Variants in RESF1 observed in about 807,000 individuals in gnomAD.
RESF1 encodes retroelement silencing factor 1, also known as gonad expressed transcript.
In RESF1, 65 loss-of-function variants were observed where a neutral mutation model predicts 134.7. The observed-to-expected ratio is 0.48, with a 90% confidence interval of 0.40 to 0.59. The LOEUF (loss-of-function observed/expected upper bound fraction) is 0.59. RESF1 is among the 20% of genes least tolerant of loss of function. The probability of loss-of-function intolerance (pLI) is 0.00; values close to 1 mark genes in which losing one functional copy is unlikely to be tolerated. For synonymous variants in RESF1, 762 were observed against 702.2 expected (o/e 1.09, Z -1.35); for missense variants, 2,274 against 2,002.7 (o/e 1.14, Z -2.59).
chr12:31,981,516 C>T lies in RESF1; in HGVS notation c.561C>T (p.Asn187=), dbSNP rs781675692. 1.9e-6 allele frequency: 3 copies of T among 1,613,984 alleles called. No individual in the cohort carries two copies. The highest frequency in any genetic ancestry group is 1.7e-6 in the Non-Finnish European group (2 of 1,179,900). The change falls in exon 4 of 6, where the codon AAC becomes AAT. Residue 187 remains asparagine, a synonymous_variant. Transcript: ENST00000312561. ...CTTACCAAGGAAATCAGGGACTTAACCAGTCTTTTTCAGAGCAACAGGTTG... is the reference window on the plus strand; with the variant it reads ...CTTACCAAGGAAATCAGGGACTTAATCAGTCTTTTTCAGAGCAACAGGTTG... ...PVAYQGNQGL[N]QSFSEQQVDW...
chr12:31,977,250 G>A (rs1039796715), intron 3 of RESF1, among the ~76,000 whole-genome samples: 3 of 152,000 alleles, frequency 2.0e-5, no homozygotes, highest in Admixed American at 6.6e-5. Flanking sequence ...GTGCGACCTC[G>A]GCTCACTGCA....
intron 2 of RESF1, among the ~76,000 whole-genome samples, chr12:31,966,530 C>T (rs1179830644): frequency 1.3e-5 from 2 of 152,236 alleles, no homozygotes; most frequent in Non-Finnish European, 2.9e-5. Flanking sequence ...TCTGAACTTC[C>T]TGCTGGCCAG....
intron 2 of RESF1, among the ~76,000 whole-genome samples, chr12:31,963,458 C>T (rs1347238168): frequency 3.3e-5 from 5 of 152,106 alleles, no homozygotes; most frequent in African/African-American, 1.2e-4. Flanking sequence ...CTCTGCTGTC[C>T]TCTGCTTTGG....
rs1305624635 is a variant in RESF1 at position 31,982,161 on chromosome 12, G to C, written c.1206G>C (p.Glu402Asp). 6.2e-7 allele frequency: 1 copy of C among 1,612,636 alleles called. No homozygotes were observed. Among genetic ancestry groups the C allele is most frequent in the South Asian group, 1.1e-5 (1 of 90,606 alleles). Reference sequence around the variant, plus strand: ...TAAGGGATATTAAAACATTAGTAGAGATAAAACAGAAGTTTTCAGAACTTG... The same window carrying C: ...TAAGGGATATTAAAACATTAGTAGACATAAAACAGAAGTTTTCAGAACTTG... ...KLVRDIKTLVEIKQKFSELAR... is the reference protein window; with the variant it reads ...KLVRDIKTLVDIKQKFSELAR... The change falls in exon 4 of 6, where the codon GAG becomes GAC. Residue 402 changes from glutamate (E) to aspartate (D), a missense_variant. By Grantham distance (45) the Glu-to-Asp change is conservative (BLOSUM62 2). Transcript: ENST00000312561.
At position 31,982,419 on chromosome 12, in the gene RESF1, C is replaced by T; in HGVS notation, c.1464C>T (p.Asp488=). 1 of 1,614,028 alleles carries T rather than the reference C, an allele frequency of 6.2e-7. No homozygotes were observed. The highest frequency in any genetic ancestry group is 1.3e-5 in the African/African-American group (1 of 75,060). ...AGACTCAATGTATGTTGAATTCTGA[C>T]ATTCAGGAAGTCAATTGCAGAAGGT... is the stretch of plus-strand genomic sequence containing the variant. ...TNKTQCMLNS[D]IQEVNCRRFN... Residue 488 remains aspartate, a synonymous_variant, in exon 4 of 6, where the codon GAC becomes GAT. Coordinates refer to ENST00000312561, the MANE Select transcript of RESF1 (RefSeq NM_018169.4).
chr12:31,973,203 T>C (rs1354027683), intron 3 of RESF1, among the ~76,000 whole-genome samples: 1 of 152,172 alleles, frequency 6.6e-6, no homozygotes, highest in Non-Finnish European at 1.5e-5. Flanking sequence ...TCTTGAAAGT[T>C]CTAAGAATAC....
chr12:31,970,778 A>G (rs761471022), intron 3 of RESF1, among the ~76,000 whole-genome samples: 1 of 152,232 alleles, frequency 6.6e-6, no homozygotes, highest in Non-Finnish European at 1.5e-5. Context: ...ATTTTAGCCT[A>G]TATGTTGCAA....
Position 31,992,690 on chromosome 12 carries a change from G to A in RESF1, c.*155G>A. The A allele has an allele frequency of 1.3e-6, 1 of 766,550 alleles. No homozygotes were observed. The highest frequency in any genetic ancestry group is 2.2e-6 in the Non-Finnish European group (1 of 462,664). The allele number at this position is 766,550 out of a possible 1,614,324, so 47.5% of individuals were successfully genotyped here. ...TTCATTGAAAGTGCTTAATTAAAAT[G>A]GCTTGAGAACTTTGGGTAGCCATGT... On this transcript the variant is annotated 3_prime_UTR_variant, in exon 6 of 6. Transcript: ENST00000312561.
In RESF1 at chr12:31,984,501, C is replaced by T. The variant is rs201298661; in HGVS notation, c.3546C>T (p.Tyr1182=). The T allele has an allele frequency of 5.1e-5, 82 of 1,608,450 alleles. No homozygotes were observed. The Middle Eastern group carries it at 1.8e-3, about 36-fold the overall frequency. Residue 1182 remains tyrosine, a synonymous_variant, in exon 4 of 6, where the codon TAC becomes TAT. Transcript: ENST00000312561. ...CATTGGGCTGGCTCTCCATGGTTTA[C>T]GAAGGAGTACCCCAGTGTCAGTGTA... ...CCALGWLSMV[Y]EGVPQCQCNS... is the part of the protein sequence containing the mutation.
In RESF1 at chr12:31,985,541, CAT is replaced by C. The variant is rs771261828; in HGVS notation, c.4588_4589del (p.Tyr1530GlnfsTer7). On this transcript the variant is annotated frameshift_variant, in exon 4 of 6. Transcript: ENST00000312561. LOFTEE classifies it high-confidence loss of function. ...ATCCACCATTCTCAGGAGTCTAAAA[CAT>C]ACAACATTCTAAGGAATGTTAAAGA... The C allele has an allele frequency of 2.5e-6, 4 of 1,598,168 alleles. No homozygotes were observed. The highest frequency in any genetic ancestry group is 1.4e-5 in the African/African-American group (1 of 73,750).
chr12:31,966,366 G>A (rs961894327), intron 2 of RESF1, among the ~76,000 whole-genome samples: 6 of 152,154 alleles, frequency 3.9e-5, no homozygotes, highest in East Asian at 1.9e-4. Context: ...ACTGGCTTCC[G>A]CTTCATGTGT....
chr12:31,988,960 C>T lies in RESF1; in HGVS notation c.5086+1638C>T, dbSNP rs537877335. Among the ~76,000 whole-genome samples the T allele has an allele frequency of 1.6e-3, 244 of 151,698 alleles. 3 individuals carry two copies. Among genetic ancestry groups the T allele is most frequent in the Non-Finnish European group, 1.5e-3 (101 of 67,914 alleles). On this transcript the variant is annotated intron_variant, in intron 5 of 5. Coordinates refer to ENST00000312561, the MANE Select transcript of RESF1 (RefSeq NM_018169.4). Reference sequence around the variant, plus strand: ...CCACCTGCCTCGGCCTCCCAAAATGCTGGGATTACAAGCATGAGCCACCGT... The same window carrying T: ...CCACCTGCCTCGGCCTCCCAAAATGTTGGGATTACAAGCATGAGCCACCGT...
chr12:31,983,970 C>T lies in RESF1; in HGVS notation c.3015C>T (p.Ser1005=). The T allele has an allele frequency of 1.2e-6, 2 of 1,613,512 alleles. No individual in the cohort carries two copies. The highest frequency in any genetic ancestry group is 1.7e-6 in the Non-Finnish European group (2 of 1,179,856). The change falls in exon 4 of 6, where the codon AGC becomes AGT. Residue 1005 remains serine (S), a synonymous_variant. Coordinates refer to ENST00000312561, the MANE Select transcript of RESF1 (RefSeq NM_018169.4). Reference sequence around the variant, plus strand: ...GTTTGGAGCATGCCACTGAAAAAAGCACAGCTAACGATACGTGCTCGTCAG... The same window carrying T: ...GTTTGGAGCATGCCACTGAAAAAAGTACAGCTAACGATACGTGCTCGTCAG... ...KSSLEHATEK[S]TANDTCSSAA...
intron 2 of RESF1, among the ~76,000 whole-genome samples, chr12:31,967,660 G>A (rs1279487190): frequency 1.3e-5 from 2 of 151,058 alleles, no homozygotes; most frequent in African/African-American, 4.9e-5. Flanking sequence ...CCGCAGGGGG[G>A]ATTTTTGTTT....
chr12:31,965,265 C>G (rs1939373169), intron 2 of RESF1, among the ~76,000 whole-genome samples: 1 of 152,126 alleles, frequency 6.6e-6, no homozygotes. Context: ...CCGGCTACTC[C>G]CTTTTCAACC....
Position 31,982,857 on chromosome 12 carries a change from T to TC in RESF1, c.1904dup (p.Ser636LysfsTer4), listed in dbSNP as rs773550997. The stretch of plus-strand genomic sequence containing the variant: ...AACTGAATTTGAAGAACATGGAAAC[T>TC]CCAAGTACTTCTAATGTAAGTGGCA... On this transcript the variant is annotated frameshift_variant, in exon 4 of 6. Transcript: ENST00000312561. LOFTEE classifies it high-confidence loss of function. The TC allele has an allele frequency of 5.6e-6, 9 of 1,613,956 alleles. No homozygotes were observed. Among genetic ancestry groups the TC allele is most frequent in the Non-Finnish European group, 6.8e-6 (8 of 1,180,008 alleles).
rs1939941800 is a variant in RESF1, at chr12:31,985,341, A to C, written c.4386A>C (p.Lys1462Asn). The C allele has an allele frequency of 6.2e-7, 1 of 1,611,132 alleles. No homozygotes were observed. The change falls in exon 4 of 6, where the codon AAA becomes AAC. Residue 1462 changes from lysine (K) to asparagine (N), a missense_variant. Coordinates refer to ENST00000312561, the MANE Select transcript of RESF1 (RefSeq NM_018169.4). ...AGCATAAAGAAGCTCTGAGTAATAA[A>C]GCATCGAAGAAAATCTGTGTGAAAA... ...RQKHKEALSN[K>N]ASKKICVKNV...
chr12:31,976,461 G>A (rs546883879), intron 3 of RESF1, among the ~76,000 whole-genome samples: 16 of 152,070 alleles, frequency 1.1e-4, no homozygotes, highest in South Asian at 8.3e-4. Flanking sequence ...TGGGTGCGGC[G>A]GATCACAAGG....
intron 3 of RESF1, among the ~76,000 whole-genome samples, chr12:31,971,465 A>G (rs1003172540): frequency 4.6e-5 from 7 of 151,606 alleles, no homozygotes; most frequent in African/African-American, 1.7e-4. Context: ...TCTTGTAGCT[A>G]TTTGTGTGAT....
Sources: allele counts gnomAD v4.1 joint callset (sites outside exome capture counted in the v4.1 genomes callset), GRCh38; gene constraint gnomAD v4.1.1; transcripts MANE v1.5; gene names NCBI Gene and HGNC (gene_info 2026-07-23, HGNC 2026-07-21).